CRY1: variants seen among roughly 807,000 people sequenced by gnomAD.
CRY1 encodes cryptochrome-1.
CRY1 carries 45 observed loss-of-function variants against 76.0 expected under a neutral mutation model. The ratio of observed to expected loss-of-function variants is 0.59; its 90% CI spans 0.47 to 0.76. CRY1 has a LOEUF of 0.76. Ranked by LOEUF, CRY1 falls within the 30% of genes least tolerant of loss-of-function variation. The pLI is 0.00. For synonymous variants in CRY1, 248 were observed against 244.0 expected, an observed-to-expected ratio of 1.02 and a Z score of -0.15; for missense variants, 587 against 716.4, an observed-to-expected ratio of 0.82 and a Z score of 2.06.
At chr12:106,997,058 A>G (rs538945496) in intron 10 of CRY1, among the ~76,000 whole-genome samples, 30 of 152,336 alleles carry the variant, frequency 2.0e-4, no homozygotes, top group African/African-American at 6.7e-4. Context: ...TCAGTTTGCA[A>G]GAGCTTTAAC....
intron 1 of CRY1, among the ~76,000 whole-genome samples, chr12:107,023,754 A>G (rs1232509908): frequency 6.6e-6 from 1 of 152,106 alleles, no homozygotes; most frequent in African/African-American, 2.4e-5. Flanking sequence ...CCCCACATTT[A>G]TATTTTATCA....
chr12:107,000,715 T>A (rs1324004928), intron 5 of CRY1, among the ~76,000 whole-genome samples: 2 of 152,034 alleles, frequency 1.3e-5, no homozygotes, highest in East Asian at 3.9e-4. Flanking sequence ...AGTGGTACGA[T>A]CTTGGCTTAC....
At position 107,022,152 on chromosome 12, in the gene CRY1, G is replaced by A. The variant is rs772775637; in HGVS notation, c.199C>T (p.Arg67Ter). ...ACAAACAGACGGGAGTTTAATTTTC[G>A]TAGATTGGCATCAAGATCCTCAAGA... ...QCLEDLDANLRKLNSRLFVIR... is the reference protein window; with the variant it reads ...QCLEDLDANL Residue 67 changes from arginine to a stop codon, truncating the protein, a stop_gained, in exon 2 of 13, where the codon CGA becomes TGA. Transcript: ENST00000008527. LOFTEE classifies it high-confidence loss of function. The A allele has an allele frequency of 1.3e-5, 21 of 1,601,452 alleles. No individual in the cohort carries two copies. Among genetic ancestry groups the A allele is most frequent in the Admixed American group, 1.7e-5 (1 of 58,634 alleles).
intron 1 of CRY1, among the ~76,000 whole-genome samples, chr12:107,049,616 G>C (rs1952893907): frequency 6.6e-6 from 1 of 152,148 alleles, no homozygotes; most frequent in African/African-American, 2.4e-5. Context: ...GACCTCAAGT[G>C]ATCTCCCTAC....
chr12:106,996,435 T>C (rs1238037317), intron 10 of CRY1, among the ~76,000 whole-genome samples: 2 of 152,198 alleles, frequency 1.3e-5, no homozygotes, highest in Non-Finnish European at 2.9e-5. Context: ...TGAACATACG[T>C]GTGCATGTAT....
chr12:107,037,928 C>T (rs1030616040), intron 1 of CRY1, among the ~76,000 whole-genome samples: 11 of 152,204 alleles, frequency 7.2e-5, no homozygotes, highest in East Asian at 5.8e-4. Flanking sequence ...AGGCTGGATT[C>T]GAACTCCCAA....
intron 1 of CRY1, among the ~76,000 whole-genome samples, chr12:107,065,077 C>G (rs1267306755): frequency 6.6e-6 from 1 of 152,102 alleles, no homozygotes; most frequent in Non-Finnish European, 1.5e-5. Flanking sequence ...GGGTGGATCA[C>G]TTGAGGTCAG....
intron 1 of CRY1, among the ~76,000 whole-genome samples, chr12:107,034,252 G>C (rs1471172036): frequency 6.6e-6 from 1 of 152,066 alleles, no homozygotes; most frequent in East Asian, 1.9e-4. Context: ...CTAATGCCAT[G>C]ACAGTTTACA....
intron 1 of CRY1, among the ~76,000 whole-genome samples, chr12:107,023,855 A>T (rs1486356670): frequency 3.3e-5 from 5 of 152,176 alleles, no homozygotes; most frequent in Non-Finnish European, 2.9e-5. Context: ...ATTTCAGGGG[A>T]GAAGACTGTT....
chr12:107,088,205 G>A (rs1025100346), intron 1 of CRY1, among the ~76,000 whole-genome samples: 17 of 152,238 alleles, frequency 1.1e-4, no homozygotes, highest in African/African-American at 3.4e-4. Context: ...CCTCATGAAT[G>A]GCTTGGTGCT....
chr12:107,022,305 AC>A, intron 1 of CRY1, 113 bp from the exon 2 acceptor site: 1 of 520,298 alleles, frequency 1.9e-6, no homozygotes. Flanking sequence ...TCATCTTATT[AC>A]CTCCTATTGA....
At chr12:107,009,563 C>CAAAA (rs1451637997) in intron 2 of CRY1, among the ~76,000 whole-genome samples, 2 of 90,970 alleles carry the variant, frequency 2.2e-5, no homozygotes, top group Non-Finnish European at 4.1e-5. Context: ...AACAAAAAAA[C>CAAAA]ATATATATAT....
chr12:107,015,861 T>A (rs1385723512), intron 2 of CRY1, among the ~76,000 whole-genome samples: 1 of 151,936 alleles, frequency 6.6e-6, no homozygotes, highest in Non-Finnish European at 1.5e-5. Context: ...ATTTTTAAAA[T>A]TTTCTGTAGA....
chr12:107,080,459 A>G (rs994311902), intron 1 of CRY1, among the ~76,000 whole-genome samples: 1 of 152,008 alleles, frequency 6.6e-6, no homozygotes, highest in Admixed American at 6.6e-5. Flanking sequence ...ATGAGAGGAG[A>G]TAAGATTGCC....
At chr12:107,035,743 G>A (rs1565832455) in intron 1 of CRY1, among the ~76,000 whole-genome samples, 2 of 152,092 alleles carry the variant, frequency 1.3e-5, no homozygotes, top group African/African-American at 2.4e-5. Context: ...GAAGGATATC[G>A]GGGGGTATAA....
chr12:107,051,345 T>G (rs1952918032), intron 1 of CRY1, among the ~76,000 whole-genome samples: 1 of 152,136 alleles, frequency 6.6e-6, no homozygotes, highest in African/African-American at 2.4e-5. Flanking sequence ...CCTACTGCTT[T>G]TATGTCCTTT....
At chr12:107,055,975 T>C (rs1477690263) in intron 1 of CRY1, among the ~76,000 whole-genome samples, 3 of 152,218 alleles carry the variant, frequency 2.0e-5, no homozygotes, top group Non-Finnish European at 4.4e-5. Flanking sequence ...ACAAAAATAC[T>C]GGTTAAGATA....
intron 2 of CRY1, among the ~76,000 whole-genome samples, chr12:107,006,638 C>CGTTTTTTTTTTTTTTTTTTTTTTTT (rs71076707): frequency 7.3e-6 from 1 of 137,108 alleles, no homozygotes. Flanking sequence ...TATTAGTAAT[C>CGTTTTTTTTTTTTTTTTTTTTTTTT]TTTTTTTTTT....
chr12:107,075,470 T>C (rs988804631), intron 1 of CRY1, among the ~76,000 whole-genome samples: 1 of 152,162 alleles, frequency 6.6e-6, no homozygotes, highest in Non-Finnish European at 1.5e-5. Context: ...AGGAATTCTG[T>C]ATTCAAGTTT....
Sources: allele counts gnomAD v4.1 joint callset (sites outside exome capture counted in the v4.1 genomes callset), GRCh38; gene constraint gnomAD v4.1.1; transcripts MANE v1.5; gene names NCBI Gene and HGNC (gene_info 2026-07-23, HGNC 2026-07-21).